Variants in HYCC1 observed in about 807,000 individuals in gnomAD.
HYCC1 encodes the protein hyccin.
the HYCC1 span, among the ~76,000 whole-genome samples, chr7:22,962,405 C>T: frequency 6.6e-6 from 1 of 152,018 alleles, no homozygotes; most frequent in Admixed American, 6.6e-5. Context: ...GAAAACTGCC[C>T]TTGATGGTAT....
the HYCC1 span, among the ~76,000 whole-genome samples, chr7:22,966,154 G>GTGTGT: frequency 6.6e-6 from 1 of 152,182 alleles, no homozygotes; most frequent in African/African-American, 2.4e-5. Context: ...TAGGCGTATA[G>GTGTGT]TGTGTGTCAC....
At chr7:22,946,052 C>G in the HYCC1 span, 1 of 1,613,694 alleles carries the variant, frequency 6.2e-7, no homozygotes, top group Non-Finnish European at 8.5e-7. Context: ...ACAATTGTGA[C>G]TACTGTTTGA....
the HYCC1 span, chr7:22,945,664 T>A: frequency 6.2e-7 from 1 of 1,613,822 alleles, no homozygotes; most frequent in East Asian, 2.2e-5. Flanking sequence ...GAAGTTCAGT[T>A]CTTTCTGAAA....
At chr7:23,013,743 G>A in the HYCC1 span, among the ~76,000 whole-genome samples, 3 of 151,394 alleles carry the variant, frequency 2.0e-5, no homozygotes, top group African/African-American at 7.3e-5. Flanking sequence ...GCCCCGCGCC[G>A]CCTCGCACCC....
chr7:22,993,467 T>A, the HYCC1 span, among the ~76,000 whole-genome samples: 1 of 152,098 alleles, frequency 6.6e-6, no homozygotes, highest in Non-Finnish European at 1.5e-5. Context: ...GGCAAAGCCA[T>A]AGGGTGGCAG....
the HYCC1 span, among the ~76,000 whole-genome samples, chr7:22,922,747 T>TA: frequency 1.3e-5 from 2 of 151,736 alleles, no homozygotes; most frequent in Non-Finnish European, 2.9e-5. Flanking sequence ...ACAGCAAACA[T>TA]AAAAAAACTA....
At chr7:22,972,352 C>T in the HYCC1 span, among the ~76,000 whole-genome samples, 1 of 152,152 alleles carries the variant, frequency 6.6e-6, no homozygotes, top group Non-Finnish European at 1.5e-5. Context: ...TACAGGTACA[C>T]AGAAACAAAT....
the HYCC1 span, among the ~76,000 whole-genome samples, chr7:22,908,404 G>T: frequency 1.3e-5 from 2 of 152,308 alleles, no homozygotes; most frequent in Non-Finnish European, 1.5e-5. Flanking sequence ...CCAGCACACA[G>T]ACACGATTTG....
At chr7:22,979,576 G>C in the HYCC1 span, among the ~76,000 whole-genome samples, 1 of 152,082 alleles carries the variant, frequency 6.6e-6, no homozygotes, top group Non-Finnish European at 1.5e-5. Context: ...TAGCTTTCAG[G>C]GTGGAGTTTT....
the HYCC1 span, among the ~76,000 whole-genome samples, chr7:23,004,265 A>G: frequency 2.0e-4 from 30 of 152,366 alleles, no homozygotes; most frequent in African/African-American, 7.2e-4. Flanking sequence ...TATTTTAAGC[A>G]TTTCTTTTTC....
the HYCC1 span, chr7:22,978,336 A>C: frequency 6.2e-7 from 1 of 1,614,066 alleles, no homozygotes; most frequent in Non-Finnish European, 8.5e-7. Context: ...GCTGGCTGAG[A>C]CTGCAAGGTA....
the HYCC1 span, among the ~76,000 whole-genome samples, chr7:22,926,032 A>C: frequency 6.6e-6 from 1 of 152,256 alleles, no homozygotes; most frequent in African/African-American, 2.4e-5. Context: ...AATATTCAAC[A>C]TTCTTAAAGA....
chr7:22,925,073 G>C, the HYCC1 span, among the ~76,000 whole-genome samples: 1 of 152,204 alleles, frequency 6.6e-6, no homozygotes, highest in Non-Finnish European at 1.5e-5. Flanking sequence ...GGCAAACAGA[G>C]TCTGAAGTGG....
the HYCC1 span, among the ~76,000 whole-genome samples, chr7:22,957,964 T>A: frequency 6.6e-6 from 1 of 151,656 alleles, no homozygotes; most frequent in Non-Finnish European, 1.5e-5. Context: ...AGAATTTATA[T>A]ATTAACACAA....
At chr7:23,004,799 G>C in the HYCC1 span, among the ~76,000 whole-genome samples, 1 of 151,986 alleles carries the variant, frequency 6.6e-6, no homozygotes, top group Admixed American at 6.6e-5. Flanking sequence ...CTCTTCTACT[G>C]CTTTTTTTGT....
the HYCC1 span, among the ~76,000 whole-genome samples, chr7:22,988,748 C>G: frequency 1.3e-5 from 2 of 152,206 alleles, no homozygotes; most frequent in Admixed American, 6.5e-5. Context: ...CTTTTTCAGA[C>G]AGATAGAAAT....
chr7:22,957,341 G>T, the HYCC1 span, among the ~76,000 whole-genome samples: 2 of 149,738 alleles, frequency 1.3e-5, no homozygotes, highest in Non-Finnish European at 3.0e-5. Context: ...TTTACTTGGC[G>T]TCTTCCATGA....
the HYCC1 span, chr7:22,960,456 T>C: frequency 8.7e-6 from 13 of 1,499,982 alleles, no homozygotes; most frequent in South Asian, 2.2e-5. Context: ...CATGAGCAGA[T>C]AGAGCAGATA....
chr7:22,992,355 AT>A, the HYCC1 span, among the ~76,000 whole-genome samples: 3 of 152,124 alleles, frequency 2.0e-5, no homozygotes, highest in Non-Finnish European at 1.5e-5. Flanking sequence ...AAAATAAAAA[AT>A]ATTTCTCCTT....
Sources: allele counts gnomAD v4.1 joint callset (sites outside exome capture counted in the v4.1 genomes callset), GRCh38; gene constraint gnomAD v4.1.1; transcripts MANE v1.5; gene names NCBI Gene and HGNC (gene_info 2026-07-23, HGNC 2026-07-21).